RUBCNL: variants seen among roughly 807,000 people sequenced by gnomAD.
RUBCNL encodes the protein rubicon like autophagy enhancer, also known as protein associated with UVRAG as autophagy enhancer.
Under a neutral mutation model 69.5 loss-of-function variants are expected in RUBCNL, and 62 were observed. The observed-to-expected ratio is 0.89, with a 90% CI of 0.73 to 1.10. The LOEUF is 1.10. Among genes scored for constraint, RUBCNL ranks in the 50% least tolerant of loss-of-function variants. RUBCNL has a pLI of 0.00. For missense variants in RUBCNL, 768 were observed against 798.1 expected, an observed-to-expected ratio of 0.96 and a Z score of 0.45; for synonymous variants, 291 against 303.6, an observed-to-expected ratio of 0.96 and a Z score of 0.43.
At chr13:46,374,856 T>C (rs2048955114) in intron 2 of RUBCNL, among the ~76,000 whole-genome samples, 1 of 152,180 alleles carries the variant, frequency 6.6e-6, no homozygotes, top group African/African-American at 2.4e-5. Context: ...GAATGCTGTT[T>C]TATGTTTCCT....
At chr13:46,351,777 C>T (rs1157932200) in intron 10 of RUBCNL, among the ~76,000 whole-genome samples, 2 of 151,236 alleles carry the variant, frequency 1.3e-5, no homozygotes, top group Non-Finnish European at 1.5e-5. Flanking sequence ...AAAAAGCCAA[C>T]AGTGACTATT....
chr13:46,345,117 A>C (rs1439651225), intron 13 of RUBCNL, among the ~76,000 whole-genome samples: 2 of 152,216 alleles, frequency 1.3e-5, no homozygotes, highest in Non-Finnish European at 2.9e-5. Flanking sequence ...GCTGCACTAC[A>C]ATTCTTCAAT....
At chr13:46,344,875 A>G in intron 13 of RUBCNL, 44 bp from the exon 14 acceptor site, 2 of 1,282,630 alleles carry the variant, frequency 1.6e-6, no homozygotes, top group Non-Finnish European at 2.2e-6. Context: ...CTCTTGATGG[A>G]TAAGCTGAGT....
intron 2 of RUBCNL, 83 bp from the exon 3 acceptor site, chr13:46,372,680 A>C: frequency 7.6e-7 from 1 of 1,315,464 alleles, no homozygotes; most frequent in Non-Finnish European, 1.0e-6. Context: ...GGCAAAACCC[A>C]AAAAATTTAG....
Position 46,342,234 on chromosome 13 carries a change from G to A in RUBCNL, c.*1151C>T, listed in dbSNP as rs1274844641. 6.6e-6 allele frequency: 1 copy of A among 152,166 alleles called. No homozygotes were observed. Among genetic ancestry groups the A allele is most frequent in the Non-Finnish European group, 1.5e-5 (1 of 68,026 alleles). 9.4% of individuals were successfully genotyped at this position (152,166 alleles called of 1,614,324 possible). On this transcript the variant is annotated 3_prime_UTR_variant, in exon 15 of 15. Coordinates refer to ENST00000429979, the MANE Select transcript of RUBCNL (RefSeq NM_025113.5). ...CACACTCATACACATGGCTGGATGG[G>A]GTTAGGGGACAATCTGTGACGCTTT...
At chr13:46,346,737 T>A (rs1203088570) in intron 12 of RUBCNL, among the ~76,000 whole-genome samples, 1 of 151,168 alleles carries the variant, frequency 6.6e-6, no homozygotes, top group African/African-American at 2.4e-5. Flanking sequence ...AAGCAATACA[T>A]CATCATTAAA....
chr13:46,359,345 G>A, intron 9 of RUBCNL, 141 bp downstream of exon 9: 2 of 595,062 alleles, frequency 3.4e-6, no homozygotes, highest in South Asian at 5.2e-5. Context: ...AGAAAATACA[G>A]CCAACTTTCC....
At position 46,340,243 on chromosome 13, in the gene RUBCNL, A is replaced by T. The variant is rs1243083262; in HGVS notation, c.*3142T>A. Among the ~76,000 whole-genome samples the T allele has an allele frequency of 6.6e-6, 1 of 152,208 alleles. No individual in the cohort carries two copies. On this transcript the variant is annotated 3_prime_UTR_variant, in exon 15 of 15. Transcript: ENST00000429979. ...AAGGCCACAGCACAGACACCAGCAT[A>T]GACCTTTAACATATTCTTTCATGGG... is the stretch of plus-strand genomic sequence containing the variant.
chr13:46,364,538 T>A (rs1461356561), intron 5 of RUBCNL, among the ~76,000 whole-genome samples: 1 of 152,104 alleles, frequency 6.6e-6, no homozygotes, highest in Non-Finnish European at 1.5e-5. Context: ...AGAGCACCCA[T>A]CTGTGTTTTT....
At chr13:46,384,260 C>T (rs1255921136) in intron 1 of RUBCNL, among the ~76,000 whole-genome samples, 5 of 152,172 alleles carry the variant, frequency 3.3e-5, no homozygotes, top group African/African-American at 1.2e-4. Context: ...ATGCCAAAAA[C>T]TTCTAAGAAT....
At position 46,363,120 on chromosome 13, in the gene RUBCNL, A is replaced by C; in HGVS notation, c.920T>G (p.Ile307Ser). The C allele has an allele frequency of 6.3e-7, 1 of 1,594,276 alleles. No individual in the cohort carries two copies. The highest frequency in any genetic ancestry group is 8.6e-7 in the Non-Finnish European group (1 of 1,169,362). The change falls in exon 6 of 15, where the codon ATT (isoleucine) becomes AGT (serine). Residue 307 changes from isoleucine (I) to serine (S), a missense_variant. By Grantham distance (142) the Ile-to-Ser change is moderately radical (BLOSUM62 -2). Transcript: ENST00000429979. ...ICKCDVDEFVILELGDFNDIT... is the reference protein window; with the variant it reads ...ICKCDVDEFVSLELGDFNDIT... Reference sequence around the variant, plus strand: ...AAACAGTTTCCAAATCTTACCTAAAATAACAAATTCATCAACATCGCATTT... The same window carrying C: ...AAACAGTTTCCAAATCTTACCTAAACTAACAAATTCATCAACATCGCATTT...
chr13:46,380,291 C>G (rs969844624), intron 1 of RUBCNL, among the ~76,000 whole-genome samples: 1 of 152,214 alleles, frequency 6.6e-6, no homozygotes, highest in African/African-American at 2.4e-5. Flanking sequence ...GACTAACTCC[C>G]TCTGGTCGCT....
chr13:46,375,304 G>C (rs192716739), intron 2 of RUBCNL, among the ~76,000 whole-genome samples: 1 of 152,320 alleles, frequency 6.6e-6, no homozygotes, highest in Non-Finnish European at 1.5e-5. Flanking sequence ...AGGCCAAGGC[G>C]GGTGGAGAAC....
Position 46,357,071 on chromosome 13 carries a change from G to A in RUBCNL, c.1266-575C>T, listed in dbSNP as rs1217030833. 4.0e-5 allele frequency among the ~76,000 whole-genome samples: 6 copies of A among 150,108 alleles called. No homozygotes were observed. In the East Asian group the frequency reaches 8.1e-4, roughly 20 times the overall value. ...TAAAAGCTTCTGCTAGGCTGGGCAC[G>A]GTGGCTCACGCCTGTAATCCCAGCA... On this transcript the variant is annotated intron_variant, in intron 9 of 14. Transcript: ENST00000429979.
At chr13:46,364,431 T>C (rs2048702078) in intron 5 of RUBCNL, among the ~76,000 whole-genome samples, 1 of 151,966 alleles carries the variant, frequency 6.6e-6, no homozygotes, top group African/African-American at 2.4e-5. Flanking sequence ...GGTTTTACAG[T>C]AGGCTGGCTG....
At chr13:46,386,459 C>T (rs1566096288) in intron 1 of RUBCNL, among the ~76,000 whole-genome samples, 1 of 152,060 alleles carries the variant, frequency 6.6e-6, no homozygotes. Flanking sequence ...GAAATAACCC[C>T]TCCTCTGAAA....
At chr13:46,350,430 C>T (rs1033190243) in intron 10 of RUBCNL, 79 bp from the exon 11 acceptor site, 31 of 1,017,836 alleles carry the variant, frequency 3.0e-5, no homozygotes, top group African/African-American at 8.0e-5. Context: ...CCAATTCCTA[C>T]GCAAGATTCA....
At chr13:46,386,542 A>AC (rs768317368) in intron 1 of RUBCNL, among the ~76,000 whole-genome samples, 179 of 146,696 alleles carry the variant, frequency 1.2e-3, no homozygotes, top group Non-Finnish European at 2.3e-3. Flanking sequence ...GGTGGACTTC[A>AC]CAAGGGGCGG....
chr13:46,365,302 CAAAAAA>C (rs34280215), intron 5 of RUBCNL, among the ~76,000 whole-genome samples: 4 of 59,458 alleles, frequency 6.7e-5, no homozygotes, highest in East Asian at 5.2e-4. Flanking sequence ...GACTCCATCT[CAAAAAA>C]AAAAAAAAAA....
Sources: gnomAD v4.1 joint callset for allele counts (sites outside exome capture counted in the v4.1 genomes callset) on GRCh38, gnomAD v4.1.1 for gene constraint, MANE v1.5 for transcripts, NCBI Gene and HGNC (gene_info 2026-07-23, HGNC 2026-07-21) for gene names.